FAM185A: variants seen among roughly 807,000 people sequenced by gnomAD.
FAM185A encodes the protein protein FAM185A.
Under a neutral mutation model 45.7 loss-of-function variants are expected in FAM185A, and 21 were observed. That is an observed-to-expected ratio of 0.46 (90% CI 0.33 to 0.66). The LOEUF is 0.66. Ranked by LOEUF, FAM185A falls within the 30% of genes least tolerant of loss-of-function variation. FAM185A has a pLI of 0.03. For missense variants in FAM185A, 305 were observed against 485.4 expected (o/e 0.63, Z 3.49); for synonymous variants, 117 against 194.0 (o/e 0.60, Z 3.30).
At chr7:102,789,926 T>C (rs1415902445) in intron 7 of FAM185A, among the ~76,000 whole-genome samples, 1 of 152,182 alleles carries the variant, frequency 6.6e-6, no homozygotes, top group African/African-American at 2.4e-5. Context: ...TTTTACTGGG[T>C]AAAGAATGTC....
At chr7:102,834,513 T>G in the FAM185A span, 1 of 149,990 alleles carries the variant, frequency 6.7e-6, no homozygotes, top group East Asian at 1.9e-4. Context: ...TCTCTAGCTA[T>G]CTCTAAGATT....
At chr7:102,842,728 A>T in the FAM185A span, among the ~76,000 whole-genome samples, 4 of 152,076 alleles carry the variant, frequency 2.6e-5, no homozygotes, top group Non-Finnish European at 5.9e-5. Context: ...TGAGGTAGGT[A>T]CTCCTGGGCC....
the FAM185A span, among the ~76,000 whole-genome samples, chr7:102,845,749 A>G: frequency 6.6e-6 from 1 of 152,110 alleles, no homozygotes; most frequent in African/African-American, 2.4e-5. Flanking sequence ...AACCTCTTAG[A>G]TTCCTACCTT....
chr7:102,834,087 A>AGGG, the FAM185A span, among the ~76,000 whole-genome samples: 2 of 59,678 alleles, frequency 3.4e-5, no homozygotes, highest in African/African-American at 5.8e-5. Flanking sequence ...GAAGGAAAGA[A>AGGG]AAGAAAGAAA....
At chr7:102,786,819 AAAGTAT>A (rs1363866387) in intron 6 of FAM185A, among the ~76,000 whole-genome samples, 2 of 127,490 alleles carry the variant, frequency 1.6e-5, no homozygotes, top group Non-Finnish European at 3.2e-5. Context: ...CCTAAAACTT[AAAGTAT>A]AATAAAAAAA....
At chr7:102,843,155 A>T in the FAM185A span, among the ~76,000 whole-genome samples, 1 of 152,220 alleles carries the variant, frequency 6.6e-6, no homozygotes, top group African/African-American at 2.4e-5. Context: ...TGTTATTTCA[A>T]GTGGTAGGCC....
chr7:102,808,716 T>C lies in FAM185A; in HGVS notation c.*314T>C, dbSNP rs867748817. On this transcript the variant is annotated 3_prime_UTR_variant, in exon 8 of 8. Coordinates refer to ENST00000413034, the MANE Select transcript of FAM185A (RefSeq NM_001145268.2). ...AGGCTGAGTTCTCATCTGGAGTCTC[T>C]GGGAAGAAATCTACTTCCAACTTCA... 4.2e-5 allele frequency: 10 copies of C among 236,072 alleles called. No individual in the cohort carries two copies. The South Asian group carries it at 6.0e-4, about 14-fold the overall frequency. 14.6% of individuals were successfully genotyped at this position (236,072 alleles called of 1,614,324 possible). A position where few individuals can be genotyped will look rare whatever the true frequency, so the allele number is the denominator to read the frequency against.
chr7:102,826,994 A>C, the FAM185A span: 2 of 355,084 alleles, frequency 5.6e-6, no homozygotes, highest in African/African-American at 4.1e-5. Context: ...TAGATTAAAA[A>C]TGGCCACAAA....
At chr7:102,828,860 T>A in the FAM185A span, among the ~76,000 whole-genome samples, 1 of 152,214 alleles carries the variant, frequency 6.6e-6, no homozygotes, top group Non-Finnish European at 1.5e-5. Flanking sequence ...CTTTGTGACC[T>A]GGCTCAATCA....
At position 102,761,357 on chromosome 7, in the gene FAM185A, G is replaced by T; in HGVS notation, c.739G>T (p.Glu247Ter). The change falls in exon 4 of 8, where the codon GAA (glutamate) becomes TAA (stop). Residue 247 changes from glutamate to a stop codon, truncating the protein, a stop_gained. Coordinates refer to ENST00000413034, the MANE Select transcript of FAM185A (RefSeq NM_001145268.2). LOFTEE classifies it high-confidence loss of function. ...GCTGAAAGCCAAGTATCTTTATACA[G>T]AATCATCATTTCTGTCTTCTGCTGC... ...GLLKAKYLYT[E>*]SSFLSSAAGD... The T allele has an allele frequency of 6.5e-7, 1 of 1,544,688 alleles. No individual in the cohort carries two copies. Among genetic ancestry groups the T allele is most frequent in the Middle Eastern group, 1.7e-4 (1 of 5,960 alleles).
At chr7:102,758,894 C>T (rs1312901114) in intron 3 of FAM185A, among the ~76,000 whole-genome samples, 1 of 151,600 alleles carries the variant, frequency 6.6e-6, no homozygotes, top group African/African-American at 2.4e-5. Context: ...GAGTTGTGAG[C>T]ACATTTTATA....
the FAM185A span, among the ~76,000 whole-genome samples, chr7:102,840,374 A>G: frequency 6.6e-6 from 1 of 152,292 alleles, no homozygotes; most frequent in South Asian, 2.1e-4. Context: ...ACATTTCTCT[A>G]AGTTTATTTC....
intron 6 of FAM185A, among the ~76,000 whole-genome samples, chr7:102,781,021 G>A (rs368418037): frequency 5.3e-5 from 8 of 152,266 alleles, no homozygotes; most frequent in African/African-American, 1.2e-4. Context: ...TATATCCCAC[G>A]CATGGCTCTG....
chr7:102,768,321 T>C (rs1794535553), intron 4 of FAM185A, among the ~76,000 whole-genome samples: 1 of 148,142 alleles, frequency 6.8e-6, no homozygotes, highest in South Asian at 2.2e-4. Flanking sequence ...CTGATCATAC[T>C]GTTTATATTC....
At chr7:102,837,652 C>T in the FAM185A span, among the ~76,000 whole-genome samples, 1 of 152,132 alleles carries the variant, frequency 6.6e-6, no homozygotes, top group South Asian at 2.1e-4. Context: ...AATTCCTGGG[C>T]TTGAATGATC....
In FAM185A at chr7:102,788,811, C is replaced by G. The variant is rs533236478; in HGVS notation, c.1066+1342C>G. On this transcript the variant is annotated intron_variant, in intron 7 of 7. Coordinates refer to ENST00000413034, the MANE Select transcript of FAM185A (RefSeq NM_001145268.2). ...TAGCCTATTATTCCTAGGCTACACC[C>G]TGTACAGCAGGCTACTGTACTGAAA... Among the ~76,000 whole-genome samples, 377 of 152,290 alleles carry G rather than the reference C, an allele frequency of 2.5e-3. 2 individuals are homozygous for G. Among genetic ancestry groups the G allele is most frequent in the African/African-American group, 8.4e-3 (348 of 41,554 alleles).
intron 3 of FAM185A, among the ~76,000 whole-genome samples, chr7:102,760,209 T>G (rs1181464061): frequency 6.6e-6 from 1 of 152,096 alleles, no homozygotes; most frequent in African/African-American, 2.4e-5. Flanking sequence ...GTAAGAACTA[T>G]ATATATGTAT....
At chr7:102,782,046 A>G (rs1456911526) in intron 6 of FAM185A, among the ~76,000 whole-genome samples, 1 of 152,248 alleles carries the variant, frequency 6.6e-6, no homozygotes, top group Non-Finnish European at 1.5e-5. Flanking sequence ...ACTGGAAGAA[A>G]GGGTATCAGT....
At chr7:102,782,140 T>C (rs2129439850) in intron 6 of FAM185A, among the ~76,000 whole-genome samples, 1 of 152,198 alleles carries the variant, frequency 6.6e-6, no homozygotes, top group Non-Finnish European at 1.5e-5. Context: ...CCAAGAAATA[T>C]GGGACTATGT....
Sources: gnomAD v4.1 joint callset for allele counts (sites outside exome capture counted in the v4.1 genomes callset) on GRCh38, gnomAD v4.1.1 for gene constraint, MANE v1.5 for transcripts, NCBI Gene and HGNC (gene_info 2026-07-23, HGNC 2026-07-21) for gene names.